The following KCNQ1 variants were observed in gnomAD, a reference collection of about 807,000 sequenced individuals.
The protein encoded by KCNQ1 is potassium voltage-gated channel subfamily KQT member 1.
KCNQ1 carries 49 observed loss-of-function variants against 72.4 expected under a neutral mutation model. That is an observed-to-expected ratio of 0.68 (90% confidence interval 0.54 to 0.86). The LOEUF (loss-of-function observed/expected upper bound fraction) is 0.86, where lower values mean the gene tolerates loss of function less well. Ranked by LOEUF, KCNQ1 falls within the 40% of genes least tolerant of loss-of-function variation. The probability of loss-of-function intolerance (pLI) is 0.00; values close to 1 mark genes in which losing one functional copy is unlikely to be tolerated. For missense variants in KCNQ1, 790 were observed against 945.1 expected (o/e 0.84, Z 2.15); for synonymous variants, 450 against 412.6 (o/e 1.09, Z -1.10).
intron 6 of KCNQ1, among the ~76,000 whole-genome samples, chr11:2,576,479 C>G (rs1247229502): frequency 6.6e-6 from 1 of 152,222 alleles, no homozygotes; most frequent in Non-Finnish European, 1.5e-5. Flanking sequence ...ACGGGCTTCT[C>G]TGTTCAGCGC....
At position 2,592,728 on chromosome 11, in the gene KCNQ1, C is replaced by T. The variant is rs1009893921; in HGVS notation, c.1393+3874C>T. 1.3e-5 allele frequency among the ~76,000 whole-genome samples: 2 copies of T among 152,204 alleles called. No individual in the cohort carries two copies. The highest frequency in any genetic ancestry group is 4.8e-5 in the African/African-American group (2 of 41,462). ...TCTGTGCCCAGCCTGGGGAGCCTGA[C>T]ACTCACAGCCCGGCTGCTGCTGCCT... On this transcript the variant is annotated intron_variant, in intron 10 of 15. Transcript: ENST00000155840. This position sits in a 1 kb window ranked among gnomAD's most constrained non-coding sequence, Gnocchi z 5.2.
chr11:2,792,091 C>T (rs1402755382), intron 15 of KCNQ1, among the ~76,000 whole-genome samples: 2 of 152,200 alleles, frequency 1.3e-5, no homozygotes, highest in Non-Finnish European at 2.9e-5. Context: ...CCGCCCTGGT[C>T]CGGCGCTTCC....
Position 2,579,186 on chromosome 11 carries a change from C to T in KCNQ1, c.922-4249C>T, listed in dbSNP as rs1271818097. On this transcript the variant is annotated intron_variant, in intron 6 of 15. Coordinates refer to ENST00000155840, the MANE Select transcript of KCNQ1 (RefSeq NM_000218.3). This position sits in a 1 kb window ranked among gnomAD's most constrained non-coding sequence, Gnocchi z 6.0. The stretch of plus-strand genomic sequence containing the variant: ...TCTGGGCTGGCCTCTGTCCTCCCCT[C>T]GAGGCCAGCCTTGAGGAGGCTACTT... 1.3e-5 allele frequency among the ~76,000 whole-genome samples: 2 copies of T among 152,144 alleles called. No individual in the cohort carries two copies. Among genetic ancestry groups the T allele is most frequent in the African/African-American group, 4.8e-5 (2 of 41,438 alleles).
chr11:2,456,682 G>A (rs907852833), intron 1 of KCNQ1, among the ~76,000 whole-genome samples: 8 of 150,460 alleles, frequency 5.3e-5, no homozygotes, highest in Admixed American at 1.3e-4. Flanking sequence ...AGCACGTTGG[G>A]AGGCCAAGGT....
At chr11:2,719,915 TGCATCACAGATGTATA>T (rs2133928424) in intron 11 of KCNQ1, among the ~76,000 whole-genome samples, 1 of 152,366 alleles carries the variant, frequency 6.6e-6, no homozygotes, top group East Asian at 1.9e-4. Context: ...AGATCAAACC[TGCATCACAGATGTATA>T]GCTAGGTCAG....
Position 2,663,957 on chromosome 11 carries a change from G to A in KCNQ1, c.1514+1876G>A, listed in dbSNP as rs1008683593. On this transcript the variant is annotated intron_variant, in intron 11 of 15. Transcript: ENST00000155840. This position sits in a 1 kb window ranked among gnomAD's most constrained non-coding sequence, Gnocchi z 5.2. ...TCCACTCCAGGATGACAGGGCCTGA[G>A]AGACCTGAACATCCATCCCCAAGCT... 43 of 398,722 alleles carry A rather than the reference G, an allele frequency of 1.1e-4. No homozygotes were observed. The East Asian group carries it at 1.5e-3, about 14-fold the overall frequency. 24.7% of individuals were successfully genotyped at this position (398,722 alleles called of 1,614,324 possible).
At chr11:2,520,940 G>A (rs1340472515) in intron 1 of KCNQ1, among the ~76,000 whole-genome samples, 4 of 152,150 alleles carry the variant, frequency 2.6e-5, no homozygotes, top group East Asian at 1.9e-4. Flanking sequence ...GCGAGGTCCC[G>A]TCCCCAGTAG....
At chr11:2,569,317 G>A (rs1007256311) in intron 2 of KCNQ1, among the ~76,000 whole-genome samples, 1 of 152,236 alleles carries the variant, frequency 6.6e-6, no homozygotes, top group Non-Finnish European at 1.5e-5. Context: ...AGCTCCCAGC[G>A]TGTCTCCCCT....
chr11:2,540,157 A>G (rs934206816), intron 2 of KCNQ1, among the ~76,000 whole-genome samples: 3 of 152,120 alleles, frequency 2.0e-5, no homozygotes, highest in Non-Finnish European at 4.4e-5. Flanking sequence ...TCCCTGAACA[A>G]GGAGGTAGCC....
At chr11:2,573,066 T>C (rs1239491838) in intron 6 of KCNQ1, 80 bp downstream of exon 6, 4 of 1,525,212 alleles carry the variant, frequency 2.6e-6, no homozygotes, top group African/African-American at 2.7e-5. Flanking sequence ...ACTGGTGTCT[T>C]GAGACTTCGG....
chr11:2,511,226 AAGG>A (rs1435408094), intron 1 of KCNQ1, among the ~76,000 whole-genome samples: 1 of 152,082 alleles, frequency 6.6e-6, no homozygotes, highest in African/African-American at 2.4e-5. Flanking sequence ...TGTCACGGAA[AAGG>A]AGGAGACGTG....
intron 15 of KCNQ1, among the ~76,000 whole-genome samples, chr11:2,778,988 C>T (rs535572780): frequency 7.9e-5 from 12 of 152,330 alleles, no homozygotes; most frequent in East Asian, 1.9e-4. Context: ...TGGCCTGGGG[C>T]GGCCGTGGGG....
chr11:2,760,117 A>G (rs537981838), intron 11 of KCNQ1, among the ~76,000 whole-genome samples: 2 of 152,334 alleles, frequency 1.3e-5, no homozygotes, highest in East Asian at 1.9e-4. Context: ...TGGGCAGCCC[A>G]GCAGCCCCCA....
chr11:2,669,262 G>GCTTTGCTGT lies in KCNQ1; in HGVS notation c.1514+7188_1514+7196dup, dbSNP rs1253769685. ...GGCTGCTTCTCCTTCCCCATCACTGGCTTTGCTGTCTTTGCAGGGTTTCTC... is the reference window on the plus strand; with the variant it reads ...GGCTGCTTCTCCTTCCCCATCACTGGCTTTGCTGTCTTTGCTGTCTTTGCAGGGTTTCTC... On this transcript the variant is annotated intron_variant, in intron 11 of 15. Coordinates refer to ENST00000155840, the MANE Select transcript of KCNQ1 (RefSeq NM_000218.3). The surrounding 1 kb of genome is among the most constrained non-coding windows in gnomAD (Gnocchi z 5.6). 3 of 398,662 alleles carry GCTTTGCTGT rather than the reference G, an allele frequency of 7.5e-6. No homozygotes were observed. The East Asian group carries it at 1.1e-4, about 14-fold the overall frequency. The allele number at this position is 398,662 out of a possible 1,614,324, so 24.7% of individuals were successfully genotyped here.
Position 2,464,757 on chromosome 11 carries a change from G to A in KCNQ1, c.386+19273G>A, listed in dbSNP as rs908382407. The stretch of plus-strand genomic sequence containing the variant: ...ACAGTCTGGGCGAGGAGGAAAGGGT[G>A]GCTCTGCTGACCCCTCCTAGGTGGG... On this transcript the variant is annotated intron_variant, in intron 1 of 15. Transcript: ENST00000155840. The surrounding 1 kb of genome is among the most constrained non-coding windows in gnomAD (Gnocchi z 5.0). Among the ~76,000 whole-genome samples, 17 of 151,860 alleles carry A rather than the reference G, an allele frequency of 1.1e-4. No individual in the cohort carries two copies. The highest frequency in any genetic ancestry group is 2.2e-4 in the Non-Finnish European group (15 of 68,008).
chr11:2,586,700 C>T (rs886752885), intron 8 of KCNQ1, among the ~76,000 whole-genome samples: 1 of 152,146 alleles, frequency 6.6e-6, no homozygotes, highest in Non-Finnish European at 1.5e-5. Context: ...CCTCGCCTGC[C>T]TGTCCCTGGG....
rs868352530 is a variant in KCNQ1, at chr11:2,808,303, G to A, written c.1794+30266G>A. Reference sequence around the variant, plus strand: ...GATAATGGAGGTGTTACGGGGATGGGCTAGAACTCGGTCCTGGCATCACAG... The same window carrying A: ...GATAATGGAGGTGTTACGGGGATGGACTAGAACTCGGTCCTGGCATCACAG... On this transcript the variant is annotated intron_variant, in intron 15 of 15. Coordinates refer to ENST00000155840, the MANE Select transcript of KCNQ1 (RefSeq NM_000218.3). The surrounding 1 kb of genome is among the most constrained non-coding windows in gnomAD (Gnocchi z 6.0). Among the ~76,000 whole-genome samples the A allele has an allele frequency of 6.6e-6, 1 of 152,232 alleles. No homozygotes were observed. The highest frequency in any genetic ancestry group is 2.4e-5 in the African/African-American group (1 of 41,466).
chr11:2,838,742 G>A (rs535750203), intron 15 of KCNQ1, among the ~76,000 whole-genome samples: 15 of 152,222 alleles, frequency 9.9e-5, no homozygotes, highest in East Asian at 3.9e-4. Flanking sequence ...ACCTGCCCCC[G>A]TGGCCGGGCT....
intron 15 of KCNQ1, among the ~76,000 whole-genome samples, chr11:2,820,160 G>A (rs1231176616): frequency 2.0e-5 from 3 of 152,066 alleles, no homozygotes; most frequent in African/African-American, 7.2e-5. Flanking sequence ...TGAGTTGAAA[G>A]CTTAGCACAT....
Sources: gnomAD v4.1 joint callset for allele counts (sites outside exome capture counted in the v4.1 genomes callset) on GRCh38, gnomAD v4.1.1 for gene constraint, Gnocchi (gnomAD v3.1) non-coding constraint, MANE v1.5 for transcripts, NCBI Gene and HGNC (gene_info 2026-07-23, HGNC 2026-07-21) for gene names.